MED13: variants seen among roughly 807,000 people sequenced by gnomAD.
The protein encoded by MED13 is mediator complex subunit 13, also known as mediator of RNA polymerase II transcription subunit 13.
In MED13, 23 loss-of-function variants were observed where a neutral mutation model predicts 225.2. The observed-to-expected ratio is 0.10, with a 90% CI of 0.07 to 0.14. The LOEUF (loss-of-function observed/expected upper bound fraction) is 0.14. MED13 is among the 10% of genes least tolerant of loss of function. The pLI is 1.00. For synonymous variants in MED13, 942 were observed against 889.2 expected (o/e 1.06, Z -1.06); for missense variants, 2,197 against 2,594.5 (o/e 0.85, Z 3.33).
At chr17:61,951,061 C>T in intron 27 of MED13, 63 bp from the exon 28 acceptor site, 2 of 1,287,800 alleles carry the variant, frequency 1.6e-6, no homozygotes, top group Non-Finnish European at 2.2e-6. Flanking sequence ...CAGATATAAA[C>T]ACAGAATGGC....
chr17:62,012,087 G>A (rs1292552657), intron 8 of MED13, among the ~76,000 whole-genome samples: 7 of 151,448 alleles, frequency 4.6e-5, no homozygotes, highest in Admixed American at 6.6e-5. Flanking sequence ...GTGGTGGCAC[G>A]CGCCTGTAGT....
intron 2 of MED13, among the ~76,000 whole-genome samples, chr17:62,057,090 T>C (rs954034419): frequency 9.8e-5 from 15 of 152,306 alleles, no homozygotes; most frequent in African/African-American, 3.1e-4. Context: ...ATGGCATCTT[T>C]AAATATCTCC....
At chr17:61,975,063 G>C (rs374122776) in intron 16 of MED13, among the ~76,000 whole-genome samples, 1 of 152,040 alleles carries the variant, frequency 6.6e-6, no homozygotes, top group Non-Finnish European at 1.5e-5. Context: ...AGCTACTTGG[G>C]GAGGCTGCAG....
intron 17 of MED13, among the ~76,000 whole-genome samples, chr17:61,971,442 A>T (rs1434132906): frequency 6.6e-6 from 1 of 151,794 alleles, no homozygotes; most frequent in African/African-American, 2.4e-5. Flanking sequence ...GGGATTACAG[A>T]CACGCACCAC....
intron 27 of MED13, among the ~76,000 whole-genome samples, chr17:61,951,916 G>A (rs1044816224): frequency 1.3e-5 from 2 of 150,156 alleles, no homozygotes; most frequent in Admixed American, 6.6e-5. Context: ...CTTTTTTTTT[G>A]AGATGGAGTC....
chr17:62,062,604 A>ACACACACACACACACAC (rs1555646450), intron 2 of MED13, among the ~76,000 whole-genome samples: 6 of 56,946 alleles, frequency 1.1e-4, no homozygotes, highest in African/African-American at 7.9e-4. Flanking sequence ...CACACACCAC[A>ACACACACACACACACAC]CACACACACA....
intron 9 of MED13, among the ~76,000 whole-genome samples, 192 bp from the exon 10 acceptor site, chr17:61,995,557 G>A (rs920596267): frequency 2.0e-5 from 3 of 152,062 alleles, no homozygotes; most frequent in African/African-American, 7.2e-5. Flanking sequence ...AGAGAAATGG[G>A]GCCAAAATCC....
chr17:62,035,206 A>C (rs2080791990), intron 4 of MED13, among the ~76,000 whole-genome samples: 1 of 152,186 alleles, frequency 6.6e-6, no homozygotes, highest in Non-Finnish European at 1.5e-5. Flanking sequence ...AACACATATA[A>C]ATCCATTATG....
chr17:62,035,496 T>C lies in MED13; in HGVS notation c.583A>G (p.Thr195Ala). ...PVYLLSEEHI[T>A]LAQQSNSPFQ... is the part of the protein sequence containing the mutation. The stretch of plus-strand genomic sequence containing the variant: ...GGGCTATTAGACTGTTGAGCAAGGG[T>C]GATATGCTCTTCACTGAGAAGGTAT... Residue 195 changes from threonine to alanine, a missense_variant, in exon 4 of 30, where the codon ACC becomes GCC. Around this residue, in one of 12 missense-constraint regions of MED13, gnomAD observed 884 missense variants for 918.5 expected, o/e 0.96. Coordinates refer to ENST00000397786, the MANE Select transcript of MED13 (RefSeq NM_005121.3). The C allele has an allele frequency of 6.2e-7, 1 of 1,612,958 alleles. No individual in the cohort carries two copies. The highest frequency in any genetic ancestry group is 2.2e-5 in the East Asian group (1 of 44,816).
At position 62,030,053 on chromosome 17, in the gene MED13, G is replaced by C. The variant is rs757126825; in HGVS notation, c.1010-40C>G. On this transcript the variant is annotated intron_variant, in intron 6 of 29. Transcript: ENST00000397786. ...AAAAAACAGGCTGTAGGAGAATAAA[G>C]GTAGGTTTAAAGTAACATTATTTGG... 3.5e-6 allele frequency: 5 copies of C among 1,428,282 alleles called. No individual in the cohort carries two copies. In the South Asian group the frequency reaches 8.9e-5, roughly 25 times the overall value. The allele number at this position is 1,428,282 out of a possible 1,614,324, so 88.5% of individuals were successfully genotyped here.
intron 9 of MED13, among the ~76,000 whole-genome samples, chr17:61,999,397 G>GA (rs2080373972): frequency 6.6e-6 from 1 of 151,874 alleles, no homozygotes; most frequent in African/African-American, 2.4e-5. Flanking sequence ...CTAAACCCAT[G>GA]AAAAAAAGAT....
At chr17:61,979,376 C>T (rs1356354510) in intron 16 of MED13, among the ~76,000 whole-genome samples, 2 of 152,148 alleles carry the variant, frequency 1.3e-5, no homozygotes, top group Admixed American at 1.3e-4. Flanking sequence ...GTGGTACAAT[C>T]ATGGTTCACC....
At chr17:62,014,800 G>A (rs2080547085) in intron 8 of MED13, among the ~76,000 whole-genome samples, 1 of 152,120 alleles carries the variant, frequency 6.6e-6, no homozygotes, top group Admixed American at 6.6e-5. Context: ...ATGAACCACT[G>A]TACCCAGCTG....
intron 20 of MED13, among the ~76,000 whole-genome samples, chr17:61,964,740 A>G (rs2080039080): frequency 6.6e-6 from 1 of 152,192 alleles, no homozygotes; most frequent in South Asian, 2.1e-4. Flanking sequence ...GTTTGAGACC[A>G]GCCTGGTCAA....
chr17:61,973,079 C>T (rs2080123659), intron 16 of MED13, among the ~76,000 whole-genome samples, 191 bp from the exon 17 acceptor site: 1 of 152,180 alleles, frequency 6.6e-6, no homozygotes, highest in African/African-American at 2.4e-5. Flanking sequence ...TAGATTCTTA[C>T]AACCAAGAAG....
At chr17:62,032,986 C>T (rs1316899718) in intron 5 of MED13, among the ~76,000 whole-genome samples, 1 of 152,032 alleles carries the variant, frequency 6.6e-6, no homozygotes, top group Non-Finnish European at 1.5e-5. Flanking sequence ...CCCATCTCTA[C>T]TAGCATTACA....
intron 9 of MED13, among the ~76,000 whole-genome samples, chr17:62,002,601 C>A (rs927713993): frequency 3.3e-5 from 5 of 151,428 alleles, no homozygotes; most frequent in Admixed American, 6.6e-5. Flanking sequence ...CCACTTTCTA[C>A]AAGGAGACAA....
intron 11 of MED13, among the ~76,000 whole-genome samples, chr17:61,988,029 A>C (rs1235646306): frequency 6.6e-6 from 1 of 151,912 alleles, no homozygotes; most frequent in African/African-American, 2.4e-5. Flanking sequence ...GGTGTGAGCC[A>C]CCTCACCTGG....
chr17:62,063,751 G>GA (rs2081059871), intron 1 of MED13, among the ~76,000 whole-genome samples: 1 of 152,100 alleles, frequency 6.6e-6, no homozygotes, highest in Non-Finnish European at 1.5e-5. Context: ...AACAAGTTCT[G>GA]AAAAAATCTA....
Sources: allele counts gnomAD v4.1 joint callset (sites outside exome capture counted in the v4.1 genomes callset), GRCh38; gene constraint gnomAD v4.1.1; regional missense constraint gnomAD v4.1.1; transcripts MANE v1.5; gene names NCBI Gene and HGNC (gene_info 2026-07-23, HGNC 2026-07-21).